Variants in PRPF6 observed in about 807,000 individuals in gnomAD.
PRPF6 encodes pre-mRNA processing factor 6.
Under a neutral mutation model 118.3 loss-of-function variants are expected in PRPF6, and 42 were observed. The ratio of observed to expected loss-of-function variants is 0.35; its 90% confidence interval spans 0.28 to 0.46. The LOEUF (loss-of-function observed/expected upper bound fraction) is 0.46, where lower values mean the gene tolerates loss of function less well. PRPF6 is among the 20% of genes least tolerant of loss of function. The pLI is 1.00. For synonymous variants in PRPF6, 481 were observed against 485.1 expected (o/e 0.99, Z 0.11); for missense variants, 662 against 1,255.7 (o/e 0.53, Z 7.15).
intron 1 of PRPF6, among the ~76,000 whole-genome samples, chr20:63,981,699 C>G (rs1041713451): frequency 7.2e-6 from 1 of 138,628 alleles, no homozygotes; most frequent in East Asian, 2.5e-4. Flanking sequence ...TCCTCTATGC[C>G]TGCAACACAG....
rs764542213 is a variant in PRPF6 at position 64,027,727 on chromosome 20, C to T, written c.2330C>T (p.Pro777Leu). 1 of 1,613,954 alleles carries T rather than the reference C, an allele frequency of 6.2e-7. No homozygotes were observed. Among genetic ancestry groups the T allele is most frequent in the Non-Finnish European group, 8.5e-7 (1 of 1,180,026 alleles). The change falls in exon 17 of 21, where the codon CCT becomes CTT. Residue 777 changes from proline (P) to leucine (L), a missense_variant. Pro to Leu is a moderately conservative substitution (Grantham distance 98, BLOSUM62 -3). Transcript: ENST00000266079. The surrounding 1 kb of genome is among the most constrained non-coding windows in gnomAD (Gnocchi z 6.5). ...EKSRLKNPKN[P>L]GLWLESVRLE... ...TCTCGTCTGAAGAACCCAAAGAACC[C>T]TGGGCTGTGGTGAGTCCTGGAGGGG...
intron 12 of PRPF6, among the ~76,000 whole-genome samples, chr20:64,019,041 A>G (rs1159347015): frequency 6.6e-6 from 1 of 150,860 alleles, no homozygotes; most frequent in Non-Finnish European, 1.5e-5. Context: ...TACACACATC[A>G]ATCCTTAGGT....
At position 64,018,967 on chromosome 20, in the gene PRPF6, C is replaced by T. The variant is rs545073388; in HGVS notation, c.1647+2122C>T. 7.2e-5 allele frequency among the ~76,000 whole-genome samples: 11 copies of T among 152,272 alleles called. 1 individual carries two copies. The highest frequency in any genetic ancestry group is 1.9e-4 in the African/African-American group (8 of 41,550). On this transcript the variant is annotated intron_variant, in intron 12 of 20. Coordinates refer to ENST00000266079, the MANE Select transcript of PRPF6 (RefSeq NM_012469.4). ...ATACACACATGATTCTTTTGCACCC[C>T]GTGTGGCGTGACCCAGAGCTTGTGT...
At chr20:63,992,410 C>A (rs781015805) in intron 3 of PRPF6, among the ~76,000 whole-genome samples, 2 of 151,994 alleles carry the variant, frequency 1.3e-5, no homozygotes, top group Admixed American at 6.6e-5. Context: ...AACAGGCATG[C>A]GCCACCACGC....
intron 9 of PRPF6, among the ~76,000 whole-genome samples, chr20:64,003,299 C>G (rs1449864915): frequency 6.6e-6 from 1 of 152,190 alleles, no homozygotes; most frequent in Non-Finnish European, 1.5e-5. Context: ...GAATCAAGGG[C>G]AGTTTTCAGT....
chr20:64,013,488 T>C (rs942945209), intron 11 of PRPF6, among the ~76,000 whole-genome samples: 3 of 152,052 alleles, frequency 2.0e-5, no homozygotes, highest in Non-Finnish European at 4.4e-5. Flanking sequence ...GCCGTGTTGC[T>C]CAGGCCGGAG....
In PRPF6 at chr20:63,995,497, C is replaced by A. The variant is rs772782650; in HGVS notation, c.771+15C>A. The A allele has an allele frequency of 6.2e-7, 1 of 1,613,844 alleles. No individual in the cohort carries two copies. The highest frequency in any genetic ancestry group is 1.3e-5 in the African/African-American group (1 of 74,906). The stretch of plus-strand genomic sequence containing the variant: ...GGCTGAGCCAGGTGAGTTTGTCACA[C>A]AGCATTTTCCTGTGGACAGGTTTAG... On this transcript the variant is annotated intron_variant, in intron 6 of 20. Coordinates refer to ENST00000266079, the MANE Select transcript of PRPF6 (RefSeq NM_012469.4).
intron 13 of PRPF6, among the ~76,000 whole-genome samples, chr20:64,023,873 G>A (rs567035271): frequency 5.3e-5 from 8 of 152,240 alleles, no homozygotes; most frequent in African/African-American, 1.9e-4. Flanking sequence ...GCCTTCTCCC[G>A]AGTGCATGCT....
chr20:63,993,226 A>ATGTGTGTGTGTGTG (rs61077852), intron 3 of PRPF6, among the ~76,000 whole-genome samples, 181 bp from the exon 4 acceptor site: 13 of 129,298 alleles, frequency 1.0e-4, no homozygotes, highest in Non-Finnish European at 1.6e-4. Flanking sequence ...AAAAAAAAAA[A>ATGTGTGTGTGTGTG]TGTGTGTGTG....
At position 64,026,755 on chromosome 20, in the gene PRPF6, G is replaced by A. The variant is rs1449680790; in HGVS notation, c.2029-227G>A. 1.3e-5 allele frequency among the ~76,000 whole-genome samples: 2 copies of A among 152,118 alleles called. No individual in the cohort carries two copies. The highest frequency in any genetic ancestry group is 2.4e-5 in the African/African-American group (1 of 41,398). ...GTGGAGCTTGCAGTGAGCCGAGATCGTGCCACTGCACTCCAGCCTGGGTGA... is the reference window on the plus strand; with the variant it reads ...GTGGAGCTTGCAGTGAGCCGAGATCATGCCACTGCACTCCAGCCTGGGTGA... On this transcript the variant is annotated intron_variant, in intron 15 of 20. Coordinates refer to ENST00000266079, the MANE Select transcript of PRPF6 (RefSeq NM_012469.4). The surrounding 1 kb of genome is among the most constrained non-coding windows in gnomAD (Gnocchi z 4.4).
intron 12 of PRPF6, among the ~76,000 whole-genome samples, chr20:64,021,289 CGTGT>C (rs58839408): frequency 0.011 from 1,518 of 138,960 alleles, 36 homozygotes; most frequent in African/African-American, 0.037. Context: ...CAGCCCCGTG[CGTGT>C]GTGTGTGTGT....
chr20:64,033,030 GT>G lies in PRPF6; in HGVS notation c.*39del. 6.2e-7 allele frequency: 1 copy of G among 1,612,240 alleles called. No homozygotes were observed. The highest frequency in any genetic ancestry group is 8.5e-7 in the Non-Finnish European group (1 of 1,179,852). On this transcript the variant is annotated 3_prime_UTR_variant, in exon 21 of 21. Transcript: ENST00000266079. The stretch of plus-strand genomic sequence containing the variant: ...CCATGGCCGGTCTCCGTGGGGCAGG[GT>G]TGGGCCGCATGTGGAAGGGCTCTGA...
At chr20:64,013,185 G>A (rs1408793647) in intron 11 of PRPF6, among the ~76,000 whole-genome samples, 7 of 152,002 alleles carry the variant, frequency 4.6e-5, no homozygotes, top group South Asian at 2.1e-4. Flanking sequence ...GGTTGGTCTC[G>A]AACTCCTGAC....
intron 3 of PRPF6, among the ~76,000 whole-genome samples, chr20:63,989,858 A>G (rs2059110907): frequency 6.6e-6 from 1 of 152,054 alleles, no homozygotes; most frequent in Non-Finnish European, 1.5e-5. Context: ...TGATGTATGT[A>G]GAATGTTTTA....
chr20:63,990,502 ACT>A (rs529452816), intron 3 of PRPF6, among the ~76,000 whole-genome samples: 239 of 149,330 alleles, frequency 1.6e-3, no homozygotes, highest in African/African-American at 5.6e-3. Context: ...ACAGGATCTT[ACT>A]CTGTCACCCA....
intron 7 of PRPF6, 105 bp from the exon 8 acceptor site, chr20:63,999,498 C>T (rs966032954): frequency 2.1e-6 from 3 of 1,450,704 alleles, no homozygotes; most frequent in African/African-American, 2.8e-5. Context: ...GACATCAGGA[C>T]TGATAGTTCT....
At chr20:63,993,185 T>TAGC (rs2059125709) in intron 3 of PRPF6, among the ~76,000 whole-genome samples, 1 of 150,296 alleles carries the variant, frequency 6.7e-6, no homozygotes, top group Admixed American at 6.7e-5. Flanking sequence ...CACTGCACTT[T>TAGC]AGCCTGGGTG....
chr20:64,020,001 T>G (rs921562558), intron 12 of PRPF6, among the ~76,000 whole-genome samples: 2 of 152,192 alleles, frequency 1.3e-5, no homozygotes, highest in African/African-American at 4.8e-5. Flanking sequence ...CTTGGACAGC[T>G]TTGAGCTGCC....
At chr20:64,001,993 A>G (rs1311914913) in intron 9 of PRPF6, among the ~76,000 whole-genome samples, 1 of 60,218 alleles carries the variant, frequency 1.7e-5, no homozygotes, top group South Asian at 4.8e-4. Context: ...CTTTTTTTTC[A>G]TTTTTTGTTT....
Sources: allele counts gnomAD v4.1 joint callset (sites outside exome capture counted in the v4.1 genomes callset), GRCh38; gene constraint gnomAD v4.1.1; non-coding constraint Gnocchi (gnomAD v3.1); transcripts MANE v1.5; gene names NCBI Gene and HGNC (gene_info 2026-07-23, HGNC 2026-07-21).